The following TMEM132D variants were observed in gnomAD, a reference collection of about 807,000 sequenced individuals.
TMEM132D encodes transmembrane protein 132D, also known as mature OL transmembrane protein.
A neutral mutation model predicts 62.3 loss-of-function variants in TMEM132D; 21 were observed. The ratio of observed to expected loss-of-function variants is 0.34; its 90% CI spans 0.24 to 0.49. The LOEUF (loss-of-function observed/expected upper bound fraction) is 0.49, where lower values mean the gene tolerates loss of function less well. TMEM132D is among the 20% of genes least tolerant of loss of function. The probability of loss-of-function intolerance (pLI) is 0.99; values close to 1 mark genes in which losing one functional copy is unlikely to be tolerated. For missense variants in TMEM132D, 1,346 were observed against 1,402.8 expected (o/e 0.96, Z 0.65); for synonymous variants, 621 against 575.6 (o/e 1.08, Z -1.13).
intron 1 of TMEM132D, among the ~76,000 whole-genome samples, chr12:129,817,628 T>G: frequency 7.0e-6 from 1 of 142,196 alleles, no homozygotes. Context: ...GGTGTGCCTC[T>G]GTGTAATGTG....
intron 3 of TMEM132D, among the ~76,000 whole-genome samples, chr12:129,437,725 C>G (rs1454087310): frequency 1.5e-5 from 2 of 135,736 alleles, no homozygotes; most frequent in Non-Finnish European, 3.2e-5. Context: ...GCTGAATGCT[C>G]ATTTCTTTTT....
intron 3 of TMEM132D, among the ~76,000 whole-genome samples, chr12:129,362,546 G>A (rs937521285): frequency 5.3e-5 from 8 of 151,330 alleles, no homozygotes; most frequent in African/African-American, 7.3e-5. Context: ...AAACATATTC[G>A]CCTGGAAATG....
intron 5 of TMEM132D, among the ~76,000 whole-genome samples, chr12:129,143,639 C>T (rs984664088): frequency 6.6e-6 from 1 of 152,040 alleles, no homozygotes; most frequent in African/African-American, 2.4e-5. Context: ...AGTGATGAGC[C>T]TGAACTTGTA....
intron 2 of TMEM132D, among the ~76,000 whole-genome samples, chr12:129,621,505 C>T (rs1240183597): frequency 1.9e-5 from 2 of 103,918 alleles, no homozygotes; most frequent in Non-Finnish European, 3.9e-5. Flanking sequence ...TCCCCACTGG[C>T]CAAAATGCTG....
At chr12:129,266,791 A>T (rs989967472) in intron 4 of TMEM132D, among the ~76,000 whole-genome samples, 1 of 151,940 alleles carries the variant, frequency 6.6e-6, no homozygotes, top group Non-Finnish European at 1.5e-5. Context: ...TTGACCTCCT[A>T]AATGCACCAC....
At chr12:129,139,630 G>A (rs985293503) in intron 5 of TMEM132D, among the ~76,000 whole-genome samples, 5 of 152,208 alleles carry the variant, frequency 3.3e-5, no homozygotes, top group African/African-American at 7.2e-5. Flanking sequence ...TGACTACTCT[G>A]TTGTCTTTAC....
intron 1 of TMEM132D, among the ~76,000 whole-genome samples, chr12:129,744,977 A>G (rs533153752): frequency 6.6e-6 from 1 of 152,106 alleles, no homozygotes; most frequent in Non-Finnish European, 1.5e-5. Flanking sequence ...TGTTCTCGTG[A>G]TAGTGAGTGA....
At chr12:129,427,199 G>A (rs916827669) in intron 3 of TMEM132D, among the ~76,000 whole-genome samples, 9 of 152,176 alleles carry the variant, frequency 5.9e-5, no homozygotes, top group African/African-American at 2.2e-4. Context: ...TATATGGATG[G>A]TAAAAGACAG....
At chr12:129,212,626 A>G (rs1342673399) in intron 4 of TMEM132D, 1 of 152,210 alleles carries the variant, frequency 6.6e-6, no homozygotes. Flanking sequence ...AGCACTGCAG[A>G]GCCTAGGAAA....
chr12:129,179,831 C>A (rs1224616886), intron 5 of TMEM132D, among the ~76,000 whole-genome samples: 1 of 152,084 alleles, frequency 6.6e-6, no homozygotes, highest in East Asian at 1.9e-4. Context: ...AGTTCGAGAT[C>A]AGCCTGGCCA....
In TMEM132D at chr12:129,638,096, G is replaced by T. The variant is rs553194606; in HGVS notation, c.968+61714C>A. Among the ~76,000 whole-genome samples, 5 of 152,308 alleles carry T rather than the reference G, an allele frequency of 3.3e-5. No homozygotes were observed. In the East Asian group the frequency reaches 9.7e-4, roughly 29 times the overall value. ...AAGTGAAATGAAACACAAATCAGCCGTCCAGCCAGGGGCTGGAAGAGATCT... is the reference window on the plus strand; with the variant it reads ...AAGTGAAATGAAACACAAATCAGCCTTCCAGCCAGGGGCTGGAAGAGATCT... On this transcript the variant is annotated intron_variant, in intron 2 of 8. Coordinates refer to ENST00000422113, the MANE Select transcript of TMEM132D (RefSeq NM_133448.3).
At chr12:129,488,951 G>C (rs996641821) in intron 3 of TMEM132D, among the ~76,000 whole-genome samples, 1 of 152,180 alleles carries the variant, frequency 6.6e-6, no homozygotes, top group Non-Finnish European at 1.5e-5. Context: ...GTTTTGTTCA[G>C]AGCAGCGGCA....
intron 5 of TMEM132D, among the ~76,000 whole-genome samples, chr12:129,187,172 A>AG (rs1871818420): frequency 6.6e-6 from 1 of 152,132 alleles, no homozygotes; most frequent in Non-Finnish European, 1.5e-5. Flanking sequence ...GAGGAGTCCT[A>AG]GGGGGATGGA....
chr12:129,641,248 C>A (rs1198393594), intron 2 of TMEM132D, among the ~76,000 whole-genome samples: 1 of 152,090 alleles, frequency 6.6e-6, no homozygotes, highest in African/African-American at 2.4e-5. Flanking sequence ...AGTAGGAAGC[C>A]CTGCTCTATC....
At chr12:129,241,652 T>C (rs1390049361) in intron 4 of TMEM132D, among the ~76,000 whole-genome samples, 1 of 152,232 alleles carries the variant, frequency 6.6e-6, no homozygotes, top group Non-Finnish European at 1.5e-5. Context: ...TGATAGTTCT[T>C]CTGGTTTTAT....
At chr12:129,669,975 C>A (rs1880466454) in intron 2 of TMEM132D, among the ~76,000 whole-genome samples, 1 of 152,112 alleles carries the variant, frequency 6.6e-6, no homozygotes, top group South Asian at 2.1e-4. Flanking sequence ...GAGTTCACTC[C>A]CATTCCCACT....
intron 4 of TMEM132D, among the ~76,000 whole-genome samples, chr12:129,259,341 C>T (rs139326043): frequency 6.6e-6 from 1 of 152,306 alleles, no homozygotes; most frequent in African/African-American, 2.4e-5. Flanking sequence ...GGAGAAGAAC[C>T]AGGCATGAGC....
Position 129,518,651 on chromosome 12 carries a change from A to C in TMEM132D, c.1115+12408T>G, listed in dbSNP as rs536205771. On this transcript the variant is annotated intron_variant, in intron 3 of 8. Coordinates refer to ENST00000422113, the MANE Select transcript of TMEM132D (RefSeq NM_133448.3). ...ATCAGGTTGCTACTCTATATGTTTTATTTCATGCCTTTTTTAACATACCAG... is the reference window on the plus strand; with the variant it reads ...ATCAGGTTGCTACTCTATATGTTTTCTTTCATGCCTTTTTTAACATACCAG... Among the ~76,000 whole-genome samples the C allele has an allele frequency of 2.6e-5, 4 of 152,010 alleles. No individual in the cohort carries two copies. The East Asian group carries it at 5.8e-4, about 22-fold the overall frequency.
chr12:129,676,743 A>C (rs995147843), intron 2 of TMEM132D, among the ~76,000 whole-genome samples: 2 of 152,186 alleles, frequency 1.3e-5, no homozygotes, highest in Non-Finnish European at 2.9e-5. Context: ...TCTTAACAGG[A>C]GATTTAGAGG....
Sources: gnomAD v4.1 joint callset for allele counts (sites outside exome capture counted in the v4.1 genomes callset) on GRCh38, gnomAD v4.1.1 for gene constraint, MANE v1.5 for transcripts, NCBI Gene and HGNC (gene_info 2026-07-23, HGNC 2026-07-21) for gene names.